The following ACSL1 variants were observed in gnomAD, a reference collection of about 807,000 sequenced individuals.
ACSL1 encodes long-chain-fatty-acid--CoA ligase 1.
In ACSL1, 41 loss-of-function variants were observed where a neutral mutation model predicts 98.4. The ratio of observed to expected loss-of-function variants is 0.42; its 90% CI spans 0.32 to 0.54. The LOEUF is 0.54. Ranked by LOEUF, ACSL1 falls within the 20% of genes least tolerant of loss-of-function variation. The probability of loss-of-function intolerance (pLI) is 0.13; values close to 1 mark genes in which losing one functional copy is unlikely to be tolerated. For synonymous variants in ACSL1, 316 were observed against 322.7 expected (o/e 0.98, Z 0.22); for missense variants, 734 against 883.1 (o/e 0.83, Z 2.14).
chr4:184,762,790 C>G lies in ACSL1; in HGVS notation c.1522-267G>C, dbSNP rs79171592. Among the ~76,000 whole-genome samples the G allele has an allele frequency of 4.7e-3, 720 of 152,296 alleles. 7 individuals carry two copies. The highest frequency in any genetic ancestry group is 0.017 in the African/African-American group (696 of 41,576). On this transcript the variant is annotated intron_variant, in intron 16 of 20. Coordinates refer to ENST00000281455, the MANE Select transcript of ACSL1 (RefSeq NM_001995.5). Reference sequence around the variant, plus strand: ...CTGGCTCAAAGCTGTTGGAAAGCCCCGCAGGGGATGAAATCACTTTTAAGT... The same window carrying G: ...CTGGCTCAAAGCTGTTGGAAAGCCCGGCAGGGGATGAAATCACTTTTAAGT...
chr4:184,789,977 G>A (rs1768065322), intron 2 of ACSL1, among the ~76,000 whole-genome samples: 1 of 151,426 alleles, frequency 6.6e-6, no homozygotes, highest in Non-Finnish European at 1.5e-5. Flanking sequence ...ATAACCTCTG[G>A]TACCAAGAGG....
chr4:184,785,641 T>G (rs1025407628), intron 3 of ACSL1, among the ~76,000 whole-genome samples: 2 of 125,676 alleles, frequency 1.6e-5, no homozygotes, highest in African/African-American at 2.9e-5. Flanking sequence ...AATCGAGACC[T>G]GCAAAGCAGC....
At chr4:184,809,770 TG>T (rs1304799758) in intron 1 of ACSL1, among the ~76,000 whole-genome samples, 6 of 152,340 alleles carry the variant, frequency 3.9e-5, no homozygotes, top group Non-Finnish European at 8.8e-5. Flanking sequence ...CACTCCAGCC[TG>T]GGCGACAGAG....
chr4:184,764,421 G>A (rs770267641), intron 15 of ACSL1, among the ~76,000 whole-genome samples: 1 of 152,138 alleles, frequency 6.6e-6, no homozygotes, highest in Admixed American at 6.6e-5. Context: ...TGAGAAAAAG[G>A]ACTTGTATTT....
Position 184,773,646 on chromosome 4 carries a change from T to C in ACSL1, c.841+17A>G. 1 of 1,609,386 alleles carries C rather than the reference T, an allele frequency of 6.2e-7. No individual in the cohort carries two copies. Among genetic ancestry groups the C allele is most frequent in the African/African-American group, 1.3e-5 (1 of 74,648 alleles). ...AATGGCTGCCATATGTAGAAGCAAT[T>C]CTATCTCAAAACTCACCTGTAGTTC... On this transcript the variant is annotated intron_variant, in intron 9 of 20. Coordinates refer to ENST00000281455, the MANE Select transcript of ACSL1 (RefSeq NM_001995.5). The surrounding 1 kb of genome is among the most constrained non-coding windows in gnomAD (Gnocchi z 4.3).
chr4:184,777,059 G>A, intron 5 of ACSL1, 76 bp from the exon 6 acceptor site: 1 of 1,312,672 alleles, frequency 7.6e-7, no homozygotes, highest in South Asian at 1.2e-5. Context: ...ATACTCAAGA[G>A]AGATTCAAAG....
At chr4:184,771,688 T>C (rs1185122071) in intron 10 of ACSL1, among the ~76,000 whole-genome samples, 2 of 152,216 alleles carry the variant, frequency 1.3e-5, no homozygotes, top group African/African-American at 4.8e-5. Flanking sequence ...GAGCAGCTGC[T>C]GTCATACCAA....
intron 2 of ACSL1, among the ~76,000 whole-genome samples, chr4:184,789,697 G>A (rs1768009595): frequency 6.6e-6 from 1 of 152,172 alleles, no homozygotes; most frequent in African/African-American, 2.4e-5. Context: ...TGATGGATAA[G>A]GCGGCAGGGC....
intron 1 of ACSL1, chr4:184,812,048 G>C: frequency 2.0e-6 from 1 of 497,476 alleles, no homozygotes; most frequent in Non-Finnish European, 2.6e-6. Flanking sequence ...CAACTACCCA[G>C]AAATCCTACA....
rs371045934 is a variant in ACSL1 at position 184,816,085 on chromosome 4, C to T, written c.-33+9831G>A. 1.8e-4 allele frequency among the ~76,000 whole-genome samples: 28 copies of T among 151,594 alleles called. 2 individuals carry two copies. The highest frequency in any genetic ancestry group is 6.3e-4 in the African/African-American group (26 of 41,320). On this transcript the variant is annotated intron_variant, in intron 1 of 20. Coordinates refer to ENST00000281455, the MANE Select transcript of ACSL1 (RefSeq NM_001995.5). ...GCAGTGAGCCAAGATGGCACCACTG[C>T]GCTCCAGCCTGGACAACAGAGACGC...
intron 14 of ACSL1, among the ~76,000 whole-genome samples, chr4:184,765,524 G>A (rs969034682): frequency 2.6e-5 from 4 of 152,060 alleles, no homozygotes; most frequent in Admixed American, 1.3e-4. Flanking sequence ...TGATGTTGGT[G>A]AAAGGACACA....
intron 1 of ACSL1, among the ~76,000 whole-genome samples, chr4:184,822,981 G>A (rs1354138100): frequency 1.3e-5 from 2 of 152,142 alleles, no homozygotes; most frequent in African/African-American, 4.8e-5. Context: ...TACTCCTTCA[G>A]GGCTTGTGCT....
chr4:184,811,391 T>C (rs112692314), intron 1 of ACSL1, among the ~76,000 whole-genome samples: 17,829 of 151,546 alleles, frequency 0.12, 1,209 homozygotes, highest in African/African-American at 0.18. Context: ...GGATTACAGG[T>C]GTGAGCCACC....
intron 1 of ACSL1, among the ~76,000 whole-genome samples, chr4:184,818,920 G>A (rs774361300): frequency 2.0e-5 from 3 of 152,182 alleles, no homozygotes; most frequent in Non-Finnish European, 4.4e-5. Context: ...TATGAAGGGC[G>A]GGGGCACTTG....
intron 4 of ACSL1, among the ~76,000 whole-genome samples, chr4:184,782,145 T>C (rs1157456239): frequency 6.6e-6 from 1 of 152,004 alleles, no homozygotes; most frequent in East Asian, 1.9e-4. Flanking sequence ...AGTTCAAAAG[T>C]CTTGGTTGCA....
At chr4:184,796,818 A>T (rs1212572052) in intron 2 of ACSL1, among the ~76,000 whole-genome samples, 1 of 152,240 alleles carries the variant, frequency 6.6e-6, no homozygotes, top group African/African-American at 2.4e-5. Context: ...ATGACTGTAG[A>T]AACAGTATTT....
At chr4:184,767,716 A>C (rs947297662) in intron 12 of ACSL1, among the ~76,000 whole-genome samples, 3 of 152,248 alleles carry the variant, frequency 2.0e-5, no homozygotes, top group Non-Finnish European at 2.9e-5. Context: ...AGAGATAACA[A>C]AAGTCCTGCC....
At position 184,825,646 on chromosome 4, in the gene ACSL1, C is replaced by T. The variant is rs1773420096; in HGVS notation, c.-33+270G>A. ...TCCCGCGCGCATCCCCGGCCGCGCA[C>T]CAGCCCCGCGCCCGCGCCGCCCGCG... On this transcript the variant is annotated intron_variant, in intron 1 of 20. Coordinates refer to ENST00000281455, the MANE Select transcript of ACSL1 (RefSeq NM_001995.5). The surrounding 1 kb of genome is among the most constrained non-coding windows in gnomAD (Gnocchi z 4.7). Among the ~76,000 whole-genome samples, 1 of 150,360 alleles carries T rather than the reference C, an allele frequency of 6.7e-6. No individual in the cohort carries two copies. Among genetic ancestry groups the T allele is most frequent in the Admixed American group, 6.6e-5 (1 of 15,118 alleles).
At chr4:184,797,016 G>A (rs984899443) in intron 2 of ACSL1, among the ~76,000 whole-genome samples, 1 of 152,254 alleles carries the variant, frequency 6.6e-6, no homozygotes, top group Admixed American at 6.5e-5. Context: ...CAGTGAGGGC[G>A]AGTGACACCA....
Sources: gnomAD v4.1 joint callset for allele counts (sites outside exome capture counted in the v4.1 genomes callset) on GRCh38, gnomAD v4.1.1 for gene constraint, Gnocchi (gnomAD v3.1) non-coding constraint, MANE v1.5 for transcripts, NCBI Gene and HGNC (gene_info 2026-07-23, HGNC 2026-07-21) for gene names.